Variants in DENND1B observed in about 807,000 individuals in gnomAD.
The protein encoded by DENND1B is DENN domain containing 1B.
DENND1B carries 59 observed loss-of-function variants against 90.1 expected under a neutral mutation model. The ratio of observed to expected loss-of-function variants is 0.65; its 90% CI spans 0.53 to 0.81. The LOEUF (loss-of-function observed/expected upper bound fraction) is 0.81. DENND1B is among the 40% of genes least tolerant of loss of function. DENND1B has a pLI of 0.00. For synonymous variants in DENND1B, 337 were observed against 324.6 expected, an observed-to-expected ratio of 1.04 and a Z score of -0.41; for missense variants, 862 against 912.6, an observed-to-expected ratio of 0.94 and a Z score of 0.71.
chr1:197,624,974 A>T (rs942822094), intron 10 of DENND1B, among the ~76,000 whole-genome samples: 4 of 151,978 alleles, frequency 2.6e-5, no homozygotes, highest in Non-Finnish European at 4.4e-5. Context: ...AGAAAAAAGA[A>T]TAAAAAGAAA....
At chr1:197,617,042 G>C (rs766528012) in intron 11 of DENND1B, among the ~76,000 whole-genome samples, 2 of 150,968 alleles carry the variant, frequency 1.3e-5, no homozygotes, top group Non-Finnish European at 3.0e-5. Flanking sequence ...TGGTTATTGG[G>C]ATCCTTTAGG....
At chr1:197,715,548 CA>C (rs1660561188) in intron 2 of DENND1B, among the ~76,000 whole-genome samples, 1 of 151,684 alleles carries the variant, frequency 6.6e-6, no homozygotes, top group Non-Finnish European at 1.5e-5. Context: ...TTAAGATTTA[CA>C]AAAACTGTAA....
At chr1:197,677,145 C>T (rs1427194336) in intron 3 of DENND1B, among the ~76,000 whole-genome samples, 1 of 152,026 alleles carries the variant, frequency 6.6e-6, no homozygotes. Flanking sequence ...TGTTTTTCCT[C>T]CTTCTCAACC....
Position 197,652,299 on chromosome 1 carries a change from T to C in DENND1B, c.383A>G (p.Glu128Gly). ...GTGGTTATACAGTGATCTGAGAGTT[T>C]CATTCAAATCATTTTCCTAGGGCAA... ...LAKELENDLN[E>G]TLRSLYNHPV... Residue 128 changes from glutamate (E) to glycine (G), a missense_variant, in exon 7 of 23, where the codon GAA becomes GGA. Coordinates refer to ENST00000620048, the MANE Select transcript of DENND1B (RefSeq NM_001195215.2). 1 of 1,610,710 alleles carries C rather than the reference T, an allele frequency of 6.2e-7. No individual in the cohort carries two copies. The highest frequency in any genetic ancestry group is 1.7e-5 in the Admixed American group (1 of 59,298).
intron 13 of DENND1B, among the ~76,000 whole-genome samples, chr1:197,598,581 A>C (rs1423318235): frequency 1.3e-5 from 2 of 151,804 alleles, no homozygotes; most frequent in East Asian, 3.9e-4. Context: ...TTAATTTCCA[A>C]ACTTCTAACT....
chr1:197,714,165 A>G (rs1278779881), intron 3 of DENND1B, among the ~76,000 whole-genome samples: 8 of 151,074 alleles, frequency 5.3e-5, no homozygotes, highest in Non-Finnish European at 1.0e-4. Context: ...AGCAGAGACG[A>G]GGTTTCACCA....
chr1:197,626,398 T>G (rs1188385411), intron 10 of DENND1B, among the ~76,000 whole-genome samples: 1 of 152,146 alleles, frequency 6.6e-6, no homozygotes, highest in Non-Finnish European at 1.5e-5. Flanking sequence ...ACATGGAAAC[T>G]GAACAACCTG....
At chr1:197,556,886 T>C (rs1343680003) in intron 15 of DENND1B, among the ~76,000 whole-genome samples, 1 of 151,964 alleles carries the variant, frequency 6.6e-6, no homozygotes, top group Non-Finnish European at 1.5e-5. Context: ...AAGGGAAGGA[T>C]CACTGTCTTT....
chr1:197,735,871 A>AG, intron 2 of DENND1B: 1 of 1,572,146 alleles, frequency 6.4e-7, no homozygotes, highest in Non-Finnish European at 8.7e-7. Context: ...GTCAAATTGC[A>AG]GGGGGCTATT....
chr1:197,646,992 A>G (rs1312137880), intron 8 of DENND1B, 63 bp downstream of exon 8: 2 of 1,274,808 alleles, frequency 1.6e-6, no homozygotes, highest in Non-Finnish European at 2.1e-6. Context: ...AGGCATAGTG[A>G]AATAAGTGAT....
chr1:197,607,062 T>C lies in DENND1B; in HGVS notation c.921+11A>G. 6.3e-7 allele frequency: 1 copy of C among 1,591,224 alleles called. No homozygotes were observed. Among genetic ancestry groups the C allele is most frequent in the Middle Eastern group, 1.7e-4 (1 of 5,980 alleles). On this transcript the variant is annotated intron_variant, in intron 13 of 22. Transcript: ENST00000620048. ...CATATATGTTCACCACTGAATAGCC[T>C]TCATACTTACCACATCACTTGGTAG...
At chr1:197,773,933 TGC>T (rs1445904333) in intron 1 of DENND1B, among the ~76,000 whole-genome samples, 1 of 152,220 alleles carries the variant, frequency 6.6e-6, no homozygotes, top group Non-Finnish European at 1.5e-5. Flanking sequence ...AAGAAACGAA[TGC>T]CAGCTCTGAC....
intron 15 of DENND1B, among the ~76,000 whole-genome samples, chr1:197,573,225 T>C (rs1673343209): frequency 6.6e-6 from 1 of 152,152 alleles, no homozygotes; most frequent in South Asian, 2.1e-4. Flanking sequence ...CTTTTAATTG[T>C]GATGTTAGGG....
rs1034753105 is a variant in DENND1B, at chr1:197,505,741, G to A, written c.*4719C>T. The A allele has an allele frequency of 3.3e-5, 5 of 151,582 alleles. No individual in the cohort carries two copies. Among genetic ancestry groups the A allele is most frequent in the Non-Finnish European group, 5.9e-5 (4 of 67,714 alleles). 9.4% of individuals were successfully genotyped at this position (151,582 alleles called of 1,614,324 possible). ...TTAATTTACACAGTCAAAAAGTATT[G>A]GCAATGCCCTTTATAAATCTTATCA... On this transcript the variant is annotated 3_prime_UTR_variant, in exon 23 of 23. Coordinates refer to ENST00000620048, the MANE Select transcript of DENND1B (RefSeq NM_001195215.2).
At chr1:197,691,290 T>C (rs868448127) in intron 3 of DENND1B, among the ~76,000 whole-genome samples, 2 of 147,186 alleles carry the variant, frequency 1.4e-5, no homozygotes, top group Non-Finnish European at 3.0e-5. Flanking sequence ...TGATCAAAAA[T>C]TGATCAAAGG....
At position 197,756,053 on chromosome 1, in the gene DENND1B, T is replaced by C. The variant is rs538108777; in HGVS notation, c.82+16815A>G. On this transcript the variant is annotated intron_variant, in intron 2 of 22. Coordinates refer to ENST00000620048, the MANE Select transcript of DENND1B (RefSeq NM_001195215.2). Reference sequence around the variant, plus strand: ...TAAAAGTATAGGGAAATATACACAATGTATAGTAAAACCAAAAAATCTTTT... The same window carrying C: ...TAAAAGTATAGGGAAATATACACAACGTATAGTAAAACCAAAAAATCTTTT... Among the ~76,000 whole-genome samples the C allele has an allele frequency of 3.9e-5, 6 of 152,314 alleles. 1 individual carries two copies. In the East Asian group the frequency reaches 5.8e-4, roughly 15 times the overall value.
chr1:197,737,075 C>T (rs533467384), intron 2 of DENND1B, among the ~76,000 whole-genome samples: 1 of 152,240 alleles, frequency 6.6e-6, no homozygotes, highest in South Asian at 2.1e-4. Flanking sequence ...CTTTGATAAG[C>T]CCTCATCCAT....
At chr1:197,546,593 A>C in intron 17 of DENND1B, 140 bp downstream of exon 17, 1 of 765,228 alleles carries the variant, frequency 1.3e-6, no homozygotes, top group Non-Finnish European at 2.0e-6. Flanking sequence ...ACGTAAAATA[A>C]GAATATTTAA....
rs1348302498 is a variant in DENND1B at position 197,640,843 on chromosome 1, G to C, written c.672+1868C>G. Among the ~76,000 whole-genome samples the C allele has an allele frequency of 2.0e-5, 3 of 152,112 alleles. No homozygotes were observed. In the East Asian group the frequency reaches 5.8e-4, roughly 29 times the overall value. ...CTCACTGAGTTGGGCACAGCGGCGT[G>C]TGCCTATAGTCCCAGCTACTTGGAA... On this transcript the variant is annotated intron_variant, in intron 10 of 22. Transcript: ENST00000620048.
Sources: gnomAD v4.1 joint callset for allele counts (sites outside exome capture counted in the v4.1 genomes callset) on GRCh38, gnomAD v4.1.1 for gene constraint, MANE v1.5 for transcripts, NCBI Gene and HGNC (gene_info 2026-07-23, HGNC 2026-07-21) for gene names.